MBNL3: variants seen among roughly 807,000 people sequenced by gnomAD.
MBNL3 encodes the protein muscleblind like splicing regulator 3.
Under a neutral mutation model 24.5 loss-of-function variants are expected in MBNL3, and 6 were observed. That is an observed-to-expected ratio of 0.25 (90% CI 0.13 to 0.48). MBNL3 has a LOEUF of 0.48. MBNL3 is among the 20% of genes least tolerant of loss of function. The probability of loss-of-function intolerance (pLI) is 0.99; values close to 1 mark genes in which losing one functional copy is unlikely to be tolerated. For synonymous variants in MBNL3, 100 were observed against 101.7 expected (o/e 0.98, Z 0.10); for missense variants, 230 against 293.5 (o/e 0.78, Z 1.58).
At chrX:132,448,100 C>G (rs1945834218) in intron 1 of MBNL3, among the ~76,000 whole-genome samples, 1 of 111,984 alleles carries the variant, frequency 8.9e-6, no homozygotes, top group Non-Finnish European at 1.9e-5. Context: ...AGGGATGAAG[C>G]CGACTTGATC....
intron 3 of MBNL3, among the ~76,000 whole-genome samples, chrX:132,392,669 A>G (rs757705948): frequency 5.9e-4 from 66 of 112,221 alleles, no homozygotes; most frequent in Middle Eastern, 4.6e-3. Flanking sequence ...CATGTCACCA[A>G]TGACATTACA....
intron 1 of MBNL3, among the ~76,000 whole-genome samples, chrX:132,470,299 G>C (rs186191812): frequency 1.8e-5 from 2 of 111,265 alleles, no homozygotes; most frequent in African/African-American, 6.5e-5. Context: ...TACATGATCA[G>C]AGTTATATCC....
At chrX:132,478,603 T>C (rs1947567197) in intron 1 of MBNL3, among the ~76,000 whole-genome samples, 1 of 112,339 alleles carries the variant, frequency 8.9e-6, no homozygotes. Flanking sequence ...CAGTAACAGG[T>C]GCATGGATTT....
chrX:132,440,245 G>A lies in MBNL3; in HGVS notation c.-634C>T, dbSNP rs1945324303. Among the ~76,000 whole-genome samples, 1 of 110,186 alleles carries A rather than the reference G, an allele frequency of 9.1e-6. No homozygotes were observed. Among genetic ancestry groups the A allele is most frequent in the Admixed American group, 9.8e-5 (1 of 10,256 alleles). ...CAGGGAACGGTATGGTAGGGAGAGG[G>A]GTTTATAAAGAGACAGCTCTAGAGT... On this transcript the variant is annotated 5_prime_UTR_variant, in exon 2 of 9. Transcript: ENST00000370853.
At chrX:132,461,805 C>T (rs1400677208) in intron 1 of MBNL3, among the ~76,000 whole-genome samples, 1 of 111,517 alleles carries the variant, frequency 9.0e-6, no homozygotes, top group Non-Finnish European at 1.9e-5. Flanking sequence ...AACAAGATAT[C>T]CCAAGTGCAA....
intron 2 of MBNL3, among the ~76,000 whole-genome samples, chrX:132,425,610 C>A (rs1290440136): frequency 9.0e-6 from 1 of 111,340 alleles, no homozygotes; most frequent in Non-Finnish European, 1.9e-5. Flanking sequence ...CCTTTTTCCA[C>A]AAAATCCCTT....
At chrX:132,381,527 G>T in intron 8 of MBNL3, 1 of 502,315 alleles carries the variant, frequency 2.0e-6, no homozygotes, top group Non-Finnish European at 3.2e-6. Flanking sequence ...TATAAGCATG[G>T]TTCCCACTTT....
At chrX:132,418,396 C>T (rs1485790545) in intron 2 of MBNL3, among the ~76,000 whole-genome samples, 1 of 111,665 alleles carries the variant, frequency 9.0e-6, no homozygotes, top group Non-Finnish European at 1.9e-5. Context: ...GAAACGGGGG[C>T]ACTGAGAAGT....
At chrX:132,418,589 G>A (rs978746584) in intron 2 of MBNL3, among the ~76,000 whole-genome samples, 4 of 112,065 alleles carry the variant, frequency 3.6e-5, no homozygotes, top group Non-Finnish European at 7.5e-5. Flanking sequence ...TTCCCTCTAA[G>A]ATTATAACAA....
chrX:132,449,454 G>A (rs1463863842), intron 1 of MBNL3, among the ~76,000 whole-genome samples: 2 of 85,088 alleles, frequency 2.4e-5, no homozygotes, highest in East Asian at 7.3e-4. Flanking sequence ...GACTAGGATT[G>A]CAACCCCTGC....
At chrX:132,467,414 T>C (rs1256655750) in intron 1 of MBNL3, among the ~76,000 whole-genome samples, 1 of 112,306 alleles carries the variant, frequency 8.9e-6, no homozygotes, top group Non-Finnish European at 1.9e-5. Flanking sequence ...GGTAAGTTTG[T>C]AAACCCAACT....
chrX:132,375,021 GAATCCAT>G lies in MBNL3; in HGVS notation c.*4638_*4644del, dbSNP rs1238946377. 3 of 111,512 alleles carry G rather than the reference GAATCCAT, an allele frequency of 2.7e-5. No individual in the cohort carries two copies. In the East Asian group the frequency reaches 8.4e-4, roughly 31 times the overall value. The allele number at this position is 111,512 out of a possible 1,213,427, so 9.2% of individuals were successfully genotyped here. ...CTATAAACTATAAAGCCTGATTCTAGAATCCATGTGTTATAAACTTTTTCACAAAAAG... is the reference window on the plus strand; with the variant it reads ...CTATAAACTATAAAGCCTGATTCTAGGTGTTATAAACTTTTTCACAAAAAG... On this transcript the variant is annotated 3_prime_UTR_variant, in exon 9 of 9. Coordinates refer to ENST00000370853, the MANE Select transcript of MBNL3 (RefSeq NM_001386889.1).
At chrX:132,458,032 C>T (rs946999939) in intron 1 of MBNL3, among the ~76,000 whole-genome samples, 1 of 111,092 alleles carries the variant, frequency 9.0e-6, no homozygotes, top group African/African-American at 3.3e-5. Context: ...TAAATGTAGG[C>T]CTCTAAATCT....
intron 6 of MBNL3, among the ~76,000 whole-genome samples, chrX:132,385,565 A>C (rs2148063617): frequency 9.0e-6 from 1 of 111,566 alleles, no homozygotes; most frequent in East Asian, 2.8e-4. Context: ...TTGGGAGAAA[A>C]TATCTAAATT....
In MBNL3 at chrX:132,431,829, C is replaced by T. The variant is rs376891170; in HGVS notation, c.177+7606G>A. 2.5e-4 allele frequency: 28 copies of T among 111,642 alleles called. 2 individuals are homozygous for T. In the East Asian group the frequency reaches 5.3e-3, roughly 21 times the overall value. 9.2% of individuals were successfully genotyped at this position (111,642 alleles called of 1,213,427 possible). Reference sequence around the variant, plus strand: ...TCTAATCCACACCACGGTATTCATCCTAACCTTCCCTTTTTATTTTTAACT... The same window carrying T: ...TCTAATCCACACCACGGTATTCATCTTAACCTTCCCTTTTTATTTTTAACT... On this transcript the variant is annotated intron_variant, in intron 2 of 8. Transcript: ENST00000370853.
At chrX:132,443,902 T>C (rs1439955829) in intron 1 of MBNL3, among the ~76,000 whole-genome samples, 1 of 99,531 alleles carries the variant, frequency 1.0e-5, no homozygotes, top group African/African-American at 3.8e-5. Context: ...TGGAGAAAGG[T>C]TGAGTAATTT....
chrX:132,420,902 G>T (rs1170921563), intron 2 of MBNL3, among the ~76,000 whole-genome samples: 1 of 111,847 alleles, frequency 8.9e-6, no homozygotes, highest in Non-Finnish European at 1.9e-5. Context: ...CAACAACACT[G>T]TTATATGAAT....
At chrX:132,446,240 G>A (rs143655055) in intron 1 of MBNL3, among the ~76,000 whole-genome samples, 1,662 of 111,741 alleles carry the variant, frequency 0.015, 25 homozygotes, top group African/African-American at 0.051. Flanking sequence ...ATTGTGAATC[G>A]TGCTACAATA....
chrX:132,441,793 A>C (rs765984849), intron 1 of MBNL3, among the ~76,000 whole-genome samples: 2 of 111,789 alleles, frequency 1.8e-5, no homozygotes, highest in Non-Finnish European at 3.8e-5. Flanking sequence ...ATCCTCCTAC[A>C]TGAATGTTCA....
Sources: gnomAD v4.1 joint callset for allele counts (sites outside exome capture counted in the v4.1 genomes callset) on GRCh38, gnomAD v4.1.1 for gene constraint, MANE v1.5 for transcripts, NCBI Gene and HGNC (gene_info 2026-07-23, HGNC 2026-07-21) for gene names.